The following KLHL4 variants were observed in gnomAD, a reference collection of about 807,000 sequenced individuals.
KLHL4 encodes the protein kelch like family member 4.
Under a neutral mutation model 45.8 loss-of-function variants are expected in KLHL4, and 17 were observed. The ratio of observed to expected loss-of-function variants is 0.37; its 90% CI spans 0.25 to 0.56. The LOEUF is 0.56. Ranked by LOEUF, KLHL4 falls within the 20% of genes least tolerant of loss-of-function variation. KLHL4 has a pLI of 0.79. For synonymous variants in KLHL4, 224 were observed against 189.9 expected (o/e 1.18, Z -1.47); for missense variants, 544 against 544.9 (o/e 1.00, Z 0.02).
At chrX:87,540,967 A>G (rs183173919) in intron 1 of KLHL4, among the ~76,000 whole-genome samples, 1 of 111,329 alleles carries the variant, frequency 9.0e-6, no homozygotes, top group Non-Finnish European at 1.9e-5. Flanking sequence ...CAGCTTCATT[A>G]TAATCTTAGG....
At chrX:87,640,232 A>G (rs892717023) in intron 9 of KLHL4, among the ~76,000 whole-genome samples, 4 of 111,780 alleles carry the variant, frequency 3.6e-5, no homozygotes, top group Non-Finnish European at 5.6e-5. Context: ...CTAGGTCCAG[A>G]TGAAATCACA....
intron 1 of KLHL4, among the ~76,000 whole-genome samples, chrX:87,556,424 A>G (rs1247035393): frequency 1.8e-5 from 2 of 108,866 alleles, no homozygotes; most frequent in Admixed American, 2.0e-4. Flanking sequence ...TCACAAGAAC[A>G]AAAAACCAAA....
chrX:87,620,287 T>G (rs1163710844), intron 4 of KLHL4, among the ~76,000 whole-genome samples: 1 of 111,984 alleles, frequency 8.9e-6, no homozygotes, highest in Non-Finnish European at 1.9e-5. Flanking sequence ...ACCTTGAAAT[T>G]AGGAGCAAAA....
At chrX:87,590,256 T>C (rs1261616934) in intron 1 of KLHL4, among the ~76,000 whole-genome samples, 1 of 110,216 alleles carries the variant, frequency 9.1e-6, no homozygotes, top group Non-Finnish European at 1.9e-5. Context: ...CCCATAAATA[T>C]ATACACCTAC....
At chrX:87,645,391 CAA>C (rs759633200) in intron 9 of KLHL4, among the ~76,000 whole-genome samples, 102 of 111,225 alleles carry the variant, frequency 9.2e-4, no homozygotes, top group Middle Eastern at 9.2e-3. Context: ...ATCAAAAAAT[CAA>C]AAAACGGTAG....
Position 87,595,127 on chromosome X carries a change from G to A in KLHL4, c.423-18750G>A, listed in dbSNP as rs191249303. ...GTTGGTGTGCTGCACCCATTAACTC[G>A]TCATTTACCATTAGGTATATCTCCT... On this transcript the variant is annotated intron_variant, in intron 1 of 10. Coordinates refer to ENST00000373119, the MANE Select transcript of KLHL4 (RefSeq NM_019117.5). Among the ~76,000 whole-genome samples, 52 of 109,235 alleles carry A rather than the reference G, an allele frequency of 4.8e-4. 1 individual carries two copies. The highest frequency in any genetic ancestry group is 1.3e-3 in the African/African-American group (39 of 29,934). The allele number at this position is 109,235 out of a possible 115,157, so 94.9% of individuals were successfully genotyped here.
At chrX:87,624,405 G>GA (rs1269204123) in intron 5 of KLHL4, among the ~76,000 whole-genome samples, 1 of 111,961 alleles carries the variant, frequency 8.9e-6, no homozygotes, top group Non-Finnish European at 1.9e-5. Flanking sequence ...TATTTTTAGG[G>GA]AAAAATACAT....
At chrX:87,603,117 A>G (rs1473704635) in intron 1 of KLHL4, among the ~76,000 whole-genome samples, 1 of 111,742 alleles carries the variant, frequency 8.9e-6, no homozygotes, top group Non-Finnish European at 1.9e-5. Context: ...AATAAACAGT[A>G]GCACCAGTAA....
Position 87,670,033 on chromosome X carries a change from T to C in KLHL4, c.*3499T>C, listed in dbSNP as rs749796581. ...GATTTATGAATTATAGTAATATTAA[T>C]AAAAGTGTTAAAGCTTTTTCTCTCT... On this transcript the variant is annotated 3_prime_UTR_variant, in exon 11 of 11. Coordinates refer to ENST00000373119, the MANE Select transcript of KLHL4 (RefSeq NM_019117.5). 1 of 111,653 alleles carries C rather than the reference T, an allele frequency of 9.0e-6. No individual in the cohort carries two copies. The highest frequency in any genetic ancestry group is 3.7e-4 in the South Asian group (1 of 2,694). The allele number at this position is 111,653 out of a possible 1,213,427, so 9.2% of individuals were successfully genotyped here. A position where few individuals can be genotyped will look rare whatever the true frequency, so the allele number is the denominator to read the frequency against.
intron 1 of KLHL4, among the ~76,000 whole-genome samples, chrX:87,533,773 A>T (rs898662670): frequency 9.0e-6 from 1 of 111,115 alleles, no homozygotes; most frequent in Non-Finnish European, 1.9e-5. Flanking sequence ...AAACCTACTC[A>T]ATTTTCTCAT....
intron 9 of KLHL4, among the ~76,000 whole-genome samples, chrX:87,638,324 T>C (rs1193623527): frequency 9.9e-5 from 11 of 111,469 alleles, no homozygotes; most frequent in Non-Finnish European, 1.9e-4. Context: ...TAGACAGCCA[T>C]ACACAAGAAG....
intron 1 of KLHL4, among the ~76,000 whole-genome samples, chrX:87,532,073 C>T (rs762101902): frequency 4.7e-4 from 52 of 110,446 alleles, no homozygotes; most frequent in African/African-American, 1.0e-3. Context: ...CACTACCTGA[C>T]GTTTAAGTCT....
At chrX:87,592,403 T>C (rs1032782650) in intron 1 of KLHL4, among the ~76,000 whole-genome samples, 4 of 111,158 alleles carry the variant, frequency 3.6e-5, no homozygotes, top group African/African-American at 1.3e-4. Flanking sequence ...GATAATATGA[T>C]AATTCTATTT....
intron 1 of KLHL4, among the ~76,000 whole-genome samples, chrX:87,564,958 AAAAAATTT>A (rs1457572987): frequency 8.9e-6 from 1 of 112,270 alleles, no homozygotes. Context: ...ATGTAAATAC[AAAAAATTT>A]CTTCTCTGAC....
intron 1 of KLHL4, among the ~76,000 whole-genome samples, chrX:87,561,585 G>A (rs1220842581): frequency 9.0e-6 from 1 of 111,106 alleles, no homozygotes; most frequent in Non-Finnish European, 1.9e-5. Context: ...CACAAAGACT[G>A]TAGTTCCTGG....
rs1399987621 is a variant in KLHL4, at chrX:87,668,600, G to A, written c.*2066G>A. The stretch of plus-strand genomic sequence containing the variant: ...CAGTACTGAGAGGCAGGGCCCTTAA[G>A]AGGTGATTGGGCCATGAGGTCTGTG... On this transcript the variant is annotated 3_prime_UTR_variant, in exon 11 of 11. Coordinates refer to ENST00000373119, the MANE Select transcript of KLHL4 (RefSeq NM_019117.5). 1.7e-5 allele frequency: 6 copies of A among 356,171 alleles called. No homozygotes were observed. Among genetic ancestry groups the A allele is most frequent in the Non-Finnish European group, 2.2e-5 (6 of 277,557 alleles). The allele number at this position is 356,171 out of a possible 1,213,427, so 29.4% of individuals were successfully genotyped here.
chrX:87,590,098 ATAACT>A (rs1303285995), intron 1 of KLHL4, among the ~76,000 whole-genome samples: 1 of 110,784 alleles, frequency 9.0e-6, no homozygotes, highest in Middle Eastern at 4.3e-3. Flanking sequence ...ATACACAATA[ATAACT>A]TAATTGTATA....
chrX:87,648,097 G>C (rs1923695272), intron 9 of KLHL4, among the ~76,000 whole-genome samples: 1 of 110,664 alleles, frequency 9.0e-6, no homozygotes, highest in African/African-American at 3.3e-5. Flanking sequence ...ACACTCACTT[G>C]TATGACTAGT....
intron 9 of KLHL4, among the ~76,000 whole-genome samples, chrX:87,636,554 G>A (rs1435580475): frequency 9.0e-6 from 1 of 111,612 alleles, no homozygotes; most frequent in African/African-American, 3.3e-5. Flanking sequence ...TTCTCAGCTG[G>A]GAGTCTTATG....
Sources: gnomAD v4.1 joint callset for allele counts (sites outside exome capture counted in the v4.1 genomes callset) on GRCh38, gnomAD v4.1.1 for gene constraint, MANE v1.5 for transcripts, NCBI Gene and HGNC (gene_info 2026-07-23, HGNC 2026-07-21) for gene names.